The following SCAPER variants were observed in gnomAD, a reference collection of about 807,000 sequenced individuals.
SCAPER encodes the protein S-phase cyclin A associated protein in the ER, also known as S phase cyclin A-associated protein in the endoplasmic reticulum.
In SCAPER, 98 loss-of-function variants were observed where a neutral mutation model predicts 182.2. The observed-to-expected ratio is 0.54, with a 90% confidence interval of 0.46 to 0.64. The LOEUF (loss-of-function observed/expected upper bound fraction) is 0.64, where lower values mean the gene tolerates loss of function less well. SCAPER is among the 30% of genes least tolerant of loss of function. The pLI is 0.00. For missense variants in SCAPER, 1,432 were observed against 1,690.0 expected, an observed-to-expected ratio of 0.85 and a Z score of 2.68; for synonymous variants, 605 against 564.6, an observed-to-expected ratio of 1.07 and a Z score of -1.01.
At chr15:76,818,582 T>G (rs1291109621) in intron 5 of SCAPER, among the ~76,000 whole-genome samples, 3 of 152,094 alleles carry the variant, frequency 2.0e-5, no homozygotes, top group African/African-American at 7.2e-5. Context: ...TACAAAAAAC[T>G]CTTAAAACTC....
At chr15:76,623,031 T>C (rs2052238175) in intron 21 of SCAPER, among the ~76,000 whole-genome samples, 1 of 152,218 alleles carries the variant, frequency 6.6e-6, no homozygotes, top group South Asian at 2.1e-4. Context: ...TTATGTCTCT[T>C]GGCTGACTGT....
intron 1 of SCAPER, among the ~76,000 whole-genome samples, chr15:76,889,291 A>G (rs1028208037): frequency 5.3e-5 from 8 of 152,228 alleles, no homozygotes; most frequent in Non-Finnish European, 1.0e-4. Flanking sequence ...ATAACCAGCT[A>G]ACATAATGAC....
At chr15:76,597,473 C>CA (rs1446402142) in intron 22 of SCAPER, among the ~76,000 whole-genome samples, 1 of 120,498 alleles carries the variant, frequency 8.3e-6, no homozygotes, top group Non-Finnish European at 2.0e-5. Context: ...CATATGGAAC[C>CA]AAAAAAGAGC....
At chr15:76,483,511 A>G (rs1053517134) in intron 24 of SCAPER, among the ~76,000 whole-genome samples, 1 of 152,136 alleles carries the variant, frequency 6.6e-6, no homozygotes, top group Non-Finnish European at 1.5e-5. Context: ...GGAATTCATT[A>G]AAGTTAAAAA....
intron 25 of SCAPER, among the ~76,000 whole-genome samples, chr15:76,439,571 T>C (rs1192208526): frequency 1.3e-5 from 2 of 152,238 alleles, no homozygotes; most frequent in Admixed American, 1.3e-4. Flanking sequence ...GTTCTGATAT[T>C]TGCTTATAGA....
At chr15:76,650,795 T>C (rs1237854335) in intron 21 of SCAPER, among the ~76,000 whole-genome samples, 1 of 152,066 alleles carries the variant, frequency 6.6e-6, no homozygotes, top group East Asian at 1.9e-4. Flanking sequence ...CTTAATATTT[T>C]TAAAGGGAAT....
intron 22 of SCAPER, among the ~76,000 whole-genome samples, chr15:76,604,162 A>C (rs2050151357): frequency 8.3e-6 from 1 of 120,470 alleles, no homozygotes; most frequent in Admixed American, 9.5e-5. Flanking sequence ...TTTTAGGTCT[A>C]ACCTTTAAGT....
chr15:76,905,297 ACC>A lies in SCAPER; in HGVS notation c.-60_-60+1del. The A allele has an allele frequency of 3.7e-6, 1 of 268,120 alleles. No individual in the cohort carries two copies. Among genetic ancestry groups the A allele is most frequent in the Non-Finnish European group, 7.7e-6 (1 of 130,564 alleles). The allele number at this position is 268,120 out of a possible 1,614,324, so 16.6% of individuals were successfully genotyped here. A position where few individuals can be genotyped will look rare whatever the true frequency, so the allele number is the denominator to read the frequency against. On this transcript the variant is annotated splice_donor_variant and 5_prime_UTR_variant, in exon 1 of 32. Coordinates refer to ENST00000563290, the MANE Select transcript of SCAPER (RefSeq NM_020843.4). LOFTEE classifies it low-confidence loss of function (5UTR_SPLICE). The stretch of plus-strand genomic sequence containing the variant: ...CTACGCACGCCCCTCGCGGACACTC[ACC>A]CCCGACCGCCCTGCTTAGTTCGGGG...
chr15:76,878,224 G>A (rs1205330754), intron 2 of SCAPER, among the ~76,000 whole-genome samples: 3 of 151,850 alleles, frequency 2.0e-5, no homozygotes, highest in Non-Finnish European at 4.4e-5. Flanking sequence ...ATATATGGAT[G>A]TATGTATATT....
At chr15:76,351,665 A>G (rs1310746171) in intron 30 of SCAPER, among the ~76,000 whole-genome samples, 6 of 152,222 alleles carry the variant, frequency 3.9e-5, no homozygotes, top group Admixed American at 6.5e-5. Flanking sequence ...GTAATTTTGC[A>G]TGTAGATGGA....
chr15:76,768,265 G>A (rs2063227708), intron 10 of SCAPER, among the ~76,000 whole-genome samples: 1 of 152,116 alleles, frequency 6.6e-6, no homozygotes, highest in Admixed American at 6.5e-5. Flanking sequence ...TTAAAGCAGT[G>A]CTATTCATAA....
intron 4 of SCAPER, among the ~76,000 whole-genome samples, chr15:76,850,591 T>C (rs1049566066): frequency 2.0e-4 from 31 of 152,144 alleles, no homozygotes; most frequent in African/African-American, 7.2e-4. Flanking sequence ...ATTCAGAATA[T>C]GAATAGGGCC....
intron 5 of SCAPER, among the ~76,000 whole-genome samples, chr15:76,809,602 G>T (rs980624205): frequency 2.0e-5 from 3 of 152,086 alleles, no homozygotes; most frequent in African/African-American, 7.2e-5. Flanking sequence ...GAAAGCTAAA[G>T]GGACTTACAG....
At chr15:76,495,906 T>C (rs1394369521) in intron 24 of SCAPER, among the ~76,000 whole-genome samples, 1 of 152,060 alleles carries the variant, frequency 6.6e-6, no homozygotes, top group Admixed American at 6.6e-5. Flanking sequence ...AGTAAAGCTT[T>C]ATCTTGTAGC....
At chr15:76,898,128 C>T (rs1405474374) in intron 1 of SCAPER, among the ~76,000 whole-genome samples, 1 of 152,080 alleles carries the variant, frequency 6.6e-6, no homozygotes, top group Non-Finnish European at 1.5e-5. Context: ...AAAATGTATA[C>T]GAATGGCTAA....
intron 29 of SCAPER, among the ~76,000 whole-genome samples, chr15:76,372,405 G>A (rs1480150795): frequency 1.3e-5 from 2 of 152,000 alleles, no homozygotes; most frequent in Admixed American, 1.3e-4. Flanking sequence ...TCCAAGTCAG[G>A]TCTTACATGC....
intron 25 of SCAPER, among the ~76,000 whole-genome samples, chr15:76,437,682 T>C (rs907595704): frequency 6.6e-6 from 1 of 152,262 alleles, no homozygotes; most frequent in African/African-American, 2.4e-5. Flanking sequence ...TAAAACACTA[T>C]GTATGCATGT....
intron 29 of SCAPER, among the ~76,000 whole-genome samples, chr15:76,366,868 C>A (rs2041851319): frequency 6.6e-6 from 1 of 152,182 alleles, no homozygotes; most frequent in Non-Finnish European, 1.5e-5. Flanking sequence ...GGCAGCTGAC[C>A]AGAACCAGAC....
chr15:76,698,419 T>C (rs930188034), intron 20 of SCAPER, among the ~76,000 whole-genome samples: 1 of 152,224 alleles, frequency 6.6e-6, no homozygotes, highest in Non-Finnish European at 1.5e-5. Flanking sequence ...GTGAACTGGC[T>C]TGTACTGGAC....
Sources: allele counts gnomAD v4.1 joint callset (sites outside exome capture counted in the v4.1 genomes callset), GRCh38; gene constraint gnomAD v4.1.1; transcripts MANE v1.5; gene names NCBI Gene and HGNC (gene_info 2026-07-23, HGNC 2026-07-21).